The following EGFLAM variants were observed in gnomAD, a reference collection of about 807,000 sequenced individuals.
EGFLAM encodes EGF like, fibronectin type III and laminin G domains.
In EGFLAM, 79 loss-of-function variants were observed where a neutral mutation model predicts 113.1. The observed-to-expected ratio is 0.70, with a 90% CI of 0.58 to 0.84. The LOEUF (loss-of-function observed/expected upper bound fraction) is 0.84, where lower values mean the gene tolerates loss of function less well. Among genes scored for constraint, EGFLAM ranks in the 40% least tolerant of loss-of-function variants. EGFLAM has a pLI of 0.00. For missense variants in EGFLAM, 1,265 were observed against 1,291.6 expected (o/e 0.98, Z 0.32); for synonymous variants, 504 against 487.6 (o/e 1.03, Z -0.44).
chr5:38,292,339 AGTTT>A (rs1315931535), intron 1 of EGFLAM, among the ~76,000 whole-genome samples: 1 of 152,130 alleles, frequency 6.6e-6, no homozygotes, highest in Non-Finnish European at 1.5e-5. Context: ...CATGGCTAAG[AGTTT>A]GTTTGAGGAA....
At chr5:38,417,365 A>AC (rs1561080181) in intron 11 of EGFLAM, among the ~76,000 whole-genome samples, 1 of 148,800 alleles carries the variant, frequency 6.7e-6, no homozygotes, top group East Asian at 1.9e-4. Context: ...AAAAAAAAAA[A>AC]AAAACAAAAA....
chr5:38,443,787 T>C (rs201834854), intron 17 of EGFLAM, among the ~76,000 whole-genome samples: 1 of 144,770 alleles, frequency 6.9e-6, no homozygotes, highest in Non-Finnish European at 1.5e-5. Flanking sequence ...TTTTTTTTTT[T>C]GAGATGGAGT....
chr5:38,317,522 A>G (rs1738633440), intron 1 of EGFLAM, among the ~76,000 whole-genome samples: 1 of 152,156 alleles, frequency 6.6e-6, no homozygotes, highest in East Asian at 1.9e-4. Context: ...AAGCTTAGAG[A>G]TGGTGGCCAA....
chr5:38,294,894 C>T (rs999722356), intron 1 of EGFLAM, among the ~76,000 whole-genome samples: 17 of 152,172 alleles, frequency 1.1e-4, no homozygotes, highest in South Asian at 2.1e-4. Context: ...GGCGCAGTCT[C>T]GGCTCACCAC....
At chr5:38,281,263 A>G (rs1341670529) in intron 1 of EGFLAM, among the ~76,000 whole-genome samples, 1 of 152,180 alleles carries the variant, frequency 6.6e-6, no homozygotes, top group Non-Finnish European at 1.5e-5. Context: ...TTTTGATTAA[A>G]GTATGAACTA....
At chr5:38,336,371 A>T (rs983300218) in intron 1 of EGFLAM, among the ~76,000 whole-genome samples, 1 of 152,206 alleles carries the variant, frequency 6.6e-6, no homozygotes, top group African/African-American at 2.4e-5. Flanking sequence ...CAGGAGATCG[A>T]GACCATCTTG....
chr5:38,421,034 G>C (rs1741803944), intron 12 of EGFLAM, among the ~76,000 whole-genome samples: 1 of 152,166 alleles, frequency 6.6e-6, no homozygotes, highest in Non-Finnish European at 1.5e-5. Context: ...GCTGTCCTTT[G>C]GGTTAGTCCT....
At chr5:38,400,903 A>G (rs576244776) in intron 6 of EGFLAM, among the ~76,000 whole-genome samples, 1 of 152,294 alleles carries the variant, frequency 6.6e-6, no homozygotes, top group African/African-American at 2.4e-5. Context: ...CGGTCTCTCT[A>G]TGAAAGTTAA....
intron 2 of EGFLAM, 29 bp from the exon 3 acceptor site, chr5:38,338,669 T>C (rs1461243900): frequency 1.8e-5 from 29 of 1,609,718 alleles, no homozygotes; most frequent in Non-Finnish European, 2.3e-5. Context: ...CGGGCTCTGC[T>C]CTCACCAGGG....
intron 6 of EGFLAM, among the ~76,000 whole-genome samples, chr5:38,371,914 C>T (rs536820076): frequency 2.6e-5 from 4 of 152,254 alleles, no homozygotes; most frequent in African/African-American, 9.6e-5. Flanking sequence ...ACAAAGTGAG[C>T]AGCCACTTGG....
chr5:38,285,480 G>T (rs555538150), intron 1 of EGFLAM, among the ~76,000 whole-genome samples: 5 of 152,152 alleles, frequency 3.3e-5, no homozygotes, highest in Non-Finnish European at 5.9e-5. Flanking sequence ...GGAAGTGGGT[G>T]GGGGAGGTGA....
At chr5:38,353,648 A>G (rs1393587463) in intron 5 of EGFLAM, among the ~76,000 whole-genome samples, 2 of 152,254 alleles carry the variant, frequency 1.3e-5, no homozygotes, top group Non-Finnish European at 2.9e-5. Flanking sequence ...TGCAAGTGTC[A>G]GAAGTGTGAA....
intron 6 of EGFLAM, among the ~76,000 whole-genome samples, chr5:38,395,607 A>T (rs1399406432): frequency 6.6e-6 from 1 of 152,136 alleles, no homozygotes. Context: ...TTGGTACTCA[A>T]ATGTGAAGCC....
At chr5:38,312,529 C>T (rs994606822) in intron 1 of EGFLAM, among the ~76,000 whole-genome samples, 6 of 152,094 alleles carry the variant, frequency 3.9e-5, no homozygotes, top group East Asian at 1.9e-4. Context: ...CGTGAGCCAC[C>T]GCGCCTGGCC....
intron 16 of EGFLAM, among the ~76,000 whole-genome samples, chr5:38,436,096 A>G (rs560049311): frequency 9.2e-5 from 14 of 152,176 alleles, no homozygotes; most frequent in Admixed American, 2.6e-4. Flanking sequence ...GATTACAGGC[A>G]TGAGCCACTG....
intron 3 of EGFLAM, among the ~76,000 whole-genome samples, chr5:38,349,900 C>G (rs57783379): frequency 0.046 from 6,528 of 141,220 alleles, 510 homozygotes; most frequent in African/African-American, 0.16. Context: ...AAATCAAGAC[C>G]TCAGTTTCTT....
At chr5:38,286,019 G>A (rs1030510853) in intron 1 of EGFLAM, 6 of 151,894 alleles carry the variant, frequency 4.0e-5, no homozygotes, top group African/African-American at 1.5e-4. Context: ...TCTTTCCAGC[G>A]AATGACCCTC....
At chr5:38,368,421 G>A (rs1740120109) in intron 5 of EGFLAM, among the ~76,000 whole-genome samples, 2 of 152,156 alleles carry the variant, frequency 1.3e-5, no homozygotes, top group African/African-American at 2.4e-5. Flanking sequence ...CCAGCTTGGT[G>A]AGCTTGAGGA....
chr5:38,265,285 G>A (rs1040976872), intron 1 of EGFLAM, among the ~76,000 whole-genome samples: 3 of 152,188 alleles, frequency 2.0e-5, no homozygotes, highest in African/African-American at 7.2e-5. Flanking sequence ...GGAAGACTGA[G>A]ACTCAGCATC....
Sources: gnomAD v4.1 joint callset for allele counts (sites outside exome capture counted in the v4.1 genomes callset) on GRCh38, gnomAD v4.1.1 for gene constraint, MANE v1.5 for transcripts, NCBI Gene and HGNC (gene_info 2026-07-23, HGNC 2026-07-21) for gene names.